The following GRID1 variants were observed in gnomAD, a reference collection of about 807,000 sequenced individuals.
The protein encoded by GRID1 is glutamate receptor ionotropic, delta-1.
Under a neutral mutation model 98.0 loss-of-function variants are expected in GRID1, and 28 were observed. The observed-to-expected ratio is 0.29, with a 90% CI of 0.21 to 0.39. The LOEUF is 0.39. Among genes scored for constraint, GRID1 ranks in the 10% least tolerant of loss-of-function variants. GRID1 has a pLI of 1.00. For synonymous variants in GRID1, 553 were observed against 538.5 expected (o/e 1.03, Z -0.37); for missense variants, 1,111 against 1,340.5 (o/e 0.83, Z 2.67).
At chr10:86,033,007 G>C (rs925689639) in intron 4 of GRID1, among the ~76,000 whole-genome samples, 9 of 151,786 alleles carry the variant, frequency 5.9e-5, no homozygotes, top group Admixed American at 5.9e-4. Flanking sequence ...GAGAGGGAGG[G>C]AGAAGAAATT....
chr10:85,623,367 C>T (rs887897895), intron 13 of GRID1, among the ~76,000 whole-genome samples: 1 of 152,098 alleles, frequency 6.6e-6, no homozygotes, highest in African/African-American at 2.4e-5. Context: ...TTTATACAGA[C>T]CCTCTTCTTG....
intron 4 of GRID1, among the ~76,000 whole-genome samples, chr10:85,917,948 TC>T (rs1311627959): frequency 6.6e-6 from 1 of 152,166 alleles, no homozygotes; most frequent in East Asian, 1.9e-4. Context: ...CCAGAGCCTC[TC>T]TCCTGTCAAC....
chr10:85,816,651 A>T (rs1842718739), intron 8 of GRID1, among the ~76,000 whole-genome samples: 1 of 152,200 alleles, frequency 6.6e-6, no homozygotes, highest in Non-Finnish European at 1.5e-5. Flanking sequence ...ACCGCACACC[A>T]CAAAAGTAAA....
Position 85,704,834 on chromosome 10 carries a change from T to C in GRID1, c.1997+18169A>G, listed in dbSNP as rs554918846. Reference sequence around the variant, plus strand: ...AGAAACTTACTCAAAACCGCTCAACTACATGGAAACTGAAAAACCTGCTCC... The same window carrying C: ...AGAAACTTACTCAAAACCGCTCAACCACATGGAAACTGAAAAACCTGCTCC... On this transcript the variant is annotated intron_variant, in intron 12 of 15. Coordinates refer to ENST00000327946, the MANE Select transcript of GRID1 (RefSeq NM_017551.3). Among the ~76,000 whole-genome samples the C allele has an allele frequency of 2.6e-5, 4 of 152,264 alleles. No individual in the cohort carries two copies. The South Asian group carries it at 8.3e-4, about 32-fold the overall frequency.
chr10:85,894,729 C>T (rs116490167), intron 5 of GRID1, among the ~76,000 whole-genome samples: 1,567 of 151,968 alleles, frequency 0.01, 27 homozygotes, highest in African/African-American at 0.035. Context: ...AGAACTTGGC[C>T]GGGTGCGGTA....
At chr10:85,982,193 CAA>C (rs5786730) in intron 4 of GRID1, among the ~76,000 whole-genome samples, 53 of 129,908 alleles carry the variant, frequency 4.1e-4, no homozygotes, top group Admixed American at 1.2e-3. Flanking sequence ...GCTCTTGCCA[CAA>C]AAAAAAAAAA....
chr10:86,335,146 T>A (rs941768331), intron 2 of GRID1, among the ~76,000 whole-genome samples: 1 of 152,214 alleles, frequency 6.6e-6, no homozygotes, highest in Non-Finnish European at 1.5e-5. Flanking sequence ...AACCAGAGTG[T>A]TAGCTACTGT....
intron 3 of GRID1, among the ~76,000 whole-genome samples, chr10:86,204,514 C>T (rs1210125025): frequency 2.6e-5 from 4 of 152,228 alleles, no homozygotes; most frequent in Non-Finnish European, 4.4e-5. Flanking sequence ...GGCTCAGGGA[C>T]ACCTTTCTTT....
At chr10:85,850,209 G>A (rs747021219) in intron 8 of GRID1, among the ~76,000 whole-genome samples, 8 of 152,198 alleles carry the variant, frequency 5.3e-5, no homozygotes, top group Non-Finnish European at 1.0e-4. Flanking sequence ...GGAAGAGAAT[G>A]AGTTGCCTAC....
chr10:86,023,461 C>G (rs1160500417), intron 4 of GRID1, among the ~76,000 whole-genome samples: 1 of 152,186 alleles, frequency 6.6e-6, no homozygotes, highest in Admixed American at 6.5e-5. Flanking sequence ...CCCGTCTCCA[C>G]TGGCTCAGTC....
chr10:85,744,004 A>AT (rs1841974618), intron 8 of GRID1, among the ~76,000 whole-genome samples: 1 of 152,160 alleles, frequency 6.6e-6, no homozygotes, highest in Non-Finnish European at 1.5e-5. Context: ...AAAATAAAAT[A>AT]TTTTTTATTC....
intron 8 of GRID1, among the ~76,000 whole-genome samples, chr10:85,792,230 G>A (rs1007534484): frequency 2.6e-5 from 4 of 152,148 alleles, no homozygotes; most frequent in South Asian, 2.1e-4. Context: ...CCTGATGCTC[G>A]AAGCTCCTGA....
At chr10:86,058,577 T>A (rs1045713357) in intron 4 of GRID1, among the ~76,000 whole-genome samples, 10 of 152,250 alleles carry the variant, frequency 6.6e-5, no homozygotes, top group African/African-American at 2.4e-4. Context: ...GGCATCCATG[T>A]ACCTTCATTT....
intron 6 of GRID1, among the ~76,000 whole-genome samples, chr10:85,863,090 G>A (rs113089619): frequency 0.074 from 11,288 of 152,262 alleles, 489 homozygotes; most frequent in Middle Eastern, 0.13. Context: ...GAGGAGACGC[G>A]AAGGCTGCCT....
At chr10:85,779,404 G>A (rs545871783) in intron 8 of GRID1, among the ~76,000 whole-genome samples, 16 of 152,144 alleles carry the variant, frequency 1.1e-4, no homozygotes, top group Non-Finnish European at 2.2e-4. Flanking sequence ...TCCCTACCAT[G>A]TAGTGTAGGC....
At position 86,365,960 on chromosome 10, in the gene GRID1, C is replaced by T. The variant is rs527897479; in HGVS notation, c.79+354G>A. 6.6e-6 allele frequency among the ~76,000 whole-genome samples: 1 copy of T among 152,210 alleles called. No individual in the cohort carries two copies. The highest frequency in any genetic ancestry group is 1.5e-5 in the Non-Finnish European group (1 of 68,012). ...AGCCCCCCGCTGTACCTCCCCCTGC[C>T]CCCCGCTGCTCTGAGCTGCGCAGAA... On this transcript the variant is annotated intron_variant, in intron 1 of 15. Transcript: ENST00000327946. This position sits in a 1 kb window ranked among gnomAD's most constrained non-coding sequence, Gnocchi z 4.8.
At chr10:85,923,906 C>G (rs898875806) in intron 4 of GRID1, among the ~76,000 whole-genome samples, 8 of 152,174 alleles carry the variant, frequency 5.3e-5, no homozygotes, top group African/African-American at 1.9e-4. Flanking sequence ...TCCTGGTTTC[C>G]AGAGTTTCCT....
intron 12 of GRID1, among the ~76,000 whole-genome samples, chr10:85,689,795 G>A (rs1841312243): frequency 6.6e-6 from 1 of 152,172 alleles, no homozygotes; most frequent in African/African-American, 2.4e-5. Flanking sequence ...TTTCTCTCTT[G>A]TGAAGTCTTA....
intron 6 of GRID1, among the ~76,000 whole-genome samples, chr10:85,865,533 G>A (rs1843206622): frequency 6.6e-6 from 1 of 152,134 alleles, no homozygotes; most frequent in Non-Finnish European, 1.5e-5. Flanking sequence ...GGGGAAGAAA[G>A]ATGGACTGGA....
Sources: allele counts gnomAD v4.1 joint callset (sites outside exome capture counted in the v4.1 genomes callset), GRCh38; gene constraint gnomAD v4.1.1; non-coding constraint Gnocchi (gnomAD v3.1); transcripts MANE v1.5; gene names NCBI Gene and HGNC (gene_info 2026-07-23, HGNC 2026-07-21).